Variants in ACACA observed in about 807,000 individuals in gnomAD.
ACACA encodes the protein acetyl-CoA carboxylase 1.
ACACA carries 103 observed loss-of-function variants against 296.1 expected under a neutral mutation model. The observed-to-expected ratio is 0.35, with a 90% CI of 0.30 to 0.41. The LOEUF (loss-of-function observed/expected upper bound fraction) is 0.41. Ranked by LOEUF, ACACA falls within the 10% of genes least tolerant of loss-of-function variation. ACACA has a pLI of 1.00. For synonymous variants in ACACA, 953 were observed against 1,038.6 expected (o/e 0.92, Z 1.58); for missense variants, 1,554 against 2,989.7 (o/e 0.52, Z 11.20).
At chr17:37,191,856 TTTTA>T (rs548948727) in intron 37 of ACACA, among the ~76,000 whole-genome samples, 204 of 152,274 alleles carry the variant, frequency 1.3e-3, no homozygotes, top group African/African-American at 4.7e-3. Flanking sequence ...AGCCTTCATT[TTTTA>T]TTTTTTTTCA....
chr17:37,122,110 C>T (rs1262753805), intron 49 of ACACA, among the ~76,000 whole-genome samples: 1 of 152,154 alleles, frequency 6.6e-6, no homozygotes, highest in Non-Finnish European at 1.5e-5. Context: ...GCACTCCAGC[C>T]TGGGCCATGA....
chr17:37,234,410 A>G (rs886912166), intron 25 of ACACA, among the ~76,000 whole-genome samples: 1 of 152,152 alleles, frequency 6.6e-6, no homozygotes, highest in Admixed American at 6.5e-5. Context: ...CCTACTTCCT[A>G]CTAATTCTTA....
At chr17:37,299,357 C>T (rs2083507121) in intron 3 of ACACA, 1 of 1,613,924 alleles carries the variant, frequency 6.2e-7, no homozygotes, top group Non-Finnish European at 8.5e-7. Flanking sequence ...AGAATGGAAG[C>T]TTTTTCTTCA....
At chr17:37,143,002 G>A (rs1282664510) in intron 45 of ACACA, among the ~76,000 whole-genome samples, 1 of 152,188 alleles carries the variant, frequency 6.6e-6, no homozygotes, top group East Asian at 1.9e-4. Flanking sequence ...GACTATGGCA[G>A]TGCCAATGTT....
intron 48 of ACACA, among the ~76,000 whole-genome samples, chr17:37,124,420 G>A (rs889371296): frequency 1.3e-4 from 20 of 152,160 alleles, no homozygotes; most frequent in African/African-American, 4.8e-4. Context: ...ACTTAACAAA[G>A]GTTTGGCTTT....
At chr17:37,186,317 A>G in intron 39 of ACACA, among the ~76,000 whole-genome samples, 1 of 152,214 alleles carries the variant, frequency 6.6e-6, no homozygotes, top group East Asian at 1.9e-4. Context: ...ATAATAGCAC[A>G]TATTTGCCAC....
intron 41 of ACACA, among the ~76,000 whole-genome samples, chr17:37,176,326 G>C (rs1052163982): frequency 3.3e-5 from 5 of 152,174 alleles, no homozygotes; most frequent in Non-Finnish European, 7.3e-5. Flanking sequence ...CACTTTTGGA[G>C]AACACCACAT....
At position 37,341,519 on chromosome 17, in the gene ACACA, G is replaced by A. The variant is rs756487394; in HGVS notation, c.39-1669C>T. On this transcript the variant is annotated intron_variant, in intron 1 of 55. Coordinates refer to ENST00000616317, the MANE Select transcript of ACACA (RefSeq NM_198834.3). ...AGCTGGGCCAACATGGTGAAACCTC[G>A]TCTTTACTAAACATACAAAAATTAG... 1.2e-4 allele frequency among the ~76,000 whole-genome samples: 19 copies of A among 152,064 alleles called. No homozygotes were observed. The Middle Eastern group carries it at 0.01, about 82-fold the overall frequency.
At chr17:37,157,231 G>A (rs2076286528) in intron 42 of ACACA, among the ~76,000 whole-genome samples, 2 of 152,340 alleles carry the variant, frequency 1.3e-5, no homozygotes, top group Admixed American at 1.3e-4. Context: ...TATGAGACAT[G>A]AGGATATCTG....
At chr17:37,339,643 C>CCATTGTTA (rs1184347374) in intron 2 of ACACA, among the ~76,000 whole-genome samples, 161 bp downstream of exon 2, 1 of 152,174 alleles carries the variant, frequency 6.6e-6, no homozygotes, top group Admixed American at 6.5e-5. Flanking sequence ...CAGTTGAGTA[C>CCATTGTTA]CATTGTTAGA....
intron 1 of ACACA, among the ~76,000 whole-genome samples, chr17:37,398,946 G>T (rs2051189113): frequency 6.7e-6 from 1 of 149,770 alleles, no homozygotes; most frequent in Non-Finnish European, 1.5e-5. Flanking sequence ...TACATAGGAG[G>T]AGAAAGGAGA....
At position 37,390,307 on chromosome 17, in the gene ACACA, TATA is replaced by T. The variant is rs2050793383; in HGVS notation, c.38+15952_38+15954del. Among the ~76,000 whole-genome samples the T allele has an allele frequency of 9.3e-5, 4 of 42,972 alleles. 1 individual carries two copies. Among genetic ancestry groups the T allele is most frequent in the African/African-American group, 1.7e-4 (1 of 5,830 alleles). The allele number at this position is 42,972 out of a possible 152,430, so 28.2% of individuals were successfully genotyped here. On this transcript the variant is annotated intron_variant, in intron 1 of 55. Coordinates refer to ENST00000616317, the MANE Select transcript of ACACA (RefSeq NM_198834.3). ...TATAATTATATATTATACATAATTATATATATATATATATATATATATATATAA... is the reference window on the plus strand; with the variant it reads ...TATAATTATATATTATACATAATTATTATATATATATATATATATATATAA...
At chr17:37,293,559 T>G (rs1039953858) in intron 3 of ACACA, among the ~76,000 whole-genome samples, 3 of 150,614 alleles carry the variant, frequency 2.0e-5, no homozygotes, top group East Asian at 1.9e-4. Flanking sequence ...TTTTTTTTTT[T>G]TGTGACAGAG....
At chr17:37,105,109 G>A (rs1347915033) in intron 52 of ACACA, among the ~76,000 whole-genome samples, 2 of 152,102 alleles carry the variant, frequency 1.3e-5, no homozygotes. Context: ...TAGGATTTGG[G>A]GGAGGTGACA....
chr17:37,329,602 C>CT (rs2147212105), intron 3 of ACACA, among the ~76,000 whole-genome samples: 1 of 148,930 alleles, frequency 6.7e-6, no homozygotes, highest in Admixed American at 6.7e-5. Context: ...GATTGTACCA[C>CT]TGCACTCCCA....
intron 48 of ACACA, among the ~76,000 whole-genome samples, chr17:37,124,128 G>A (rs918102211): frequency 1.3e-5 from 2 of 152,192 alleles, no homozygotes; most frequent in Admixed American, 6.5e-5. Context: ...AATCCCAGAC[G>A]AATACATTTA....
chr17:37,098,797 A>C (rs557497959), intron 52 of ACACA, among the ~76,000 whole-genome samples: 1 of 152,368 alleles, frequency 6.6e-6, no homozygotes, highest in East Asian at 1.9e-4. Flanking sequence ...CTCAACAGAC[A>C]GGAGACTTTG....
chr17:37,244,955 T>C lies in ACACA; in HGVS notation c.2595+125A>G, dbSNP rs577975030. ...ATACTACAGGCACAAATACAAGGCA[T>C]AAGATTAATAGGGGACAAAGCTAAA... is the stretch of plus-strand genomic sequence containing the variant. On this transcript the variant is annotated intron_variant, in intron 20 of 55. Transcript: ENST00000616317. 6 of 1,450,150 alleles carry C rather than the reference T, an allele frequency of 4.1e-6. No individual in the cohort carries two copies. The African/African-American group carries it at 7.0e-5, about 17-fold the overall frequency. The allele number at this position is 1,450,150 out of a possible 1,614,324, so 89.8% of individuals were successfully genotyped here.
intron 3 of ACACA, among the ~76,000 whole-genome samples, chr17:37,290,881 G>A (rs1392641463): frequency 6.6e-6 from 1 of 151,852 alleles, no homozygotes; most frequent in East Asian, 1.9e-4. Flanking sequence ...AAGATATCAA[G>A]GCCATCCTGG....
Sources: allele counts gnomAD v4.1 joint callset (sites outside exome capture counted in the v4.1 genomes callset), GRCh38; gene constraint gnomAD v4.1.1; transcripts MANE v1.5; gene names NCBI Gene and HGNC (gene_info 2026-07-23, HGNC 2026-07-21).